The following ATL1 variants were observed in gnomAD, a reference collection of about 807,000 sequenced individuals.
The protein encoded by ATL1 is atlastin GTPase 1.
Under a neutral mutation model 75.5 loss-of-function variants are expected in ATL1, and 31 were observed. The observed-to-expected ratio is 0.41, with a 90% confidence interval of 0.31 to 0.55. The LOEUF (loss-of-function observed/expected upper bound fraction) is 0.55. Among genes scored for constraint, ATL1 ranks in the 20% least tolerant of loss-of-function variants. ATL1 has a pLI of 0.27. For missense variants in ATL1, 405 were observed against 662.6 expected (o/e 0.61, Z 4.27); for synonymous variants, 226 against 233.3 (o/e 0.97, Z 0.28).
intron 1 of ATL1, among the ~76,000 whole-genome samples, chr14:50,578,560 T>C (rs2039027858): frequency 6.6e-6 from 1 of 152,208 alleles, no homozygotes; most frequent in Non-Finnish European, 1.5e-5. Context: ...ATTGTACTAC[T>C]TGCTATTCTT....
chr14:50,593,584 G>T (rs1476555161), intron 4 of ATL1, among the ~76,000 whole-genome samples: 1 of 152,092 alleles, frequency 6.6e-6, no homozygotes, highest in African/African-American at 2.4e-5. Flanking sequence ...GCATAAATTA[G>T]GTTCATAAAA....
intron 6 of ATL1, among the ~76,000 whole-genome samples, chr14:50,600,400 T>C (rs1382198644): frequency 1.3e-5 from 2 of 152,158 alleles, no homozygotes; most frequent in African/African-American, 4.8e-5. Context: ...CTAAACATGT[T>C]TGGACTTGTA....
intron 1 of ATL1, among the ~76,000 whole-genome samples, chr14:50,572,914 G>T (rs1161174240): frequency 1.3e-5 from 2 of 152,130 alleles, no homozygotes. Flanking sequence ...CTGCATGGCT[G>T]GGGAGGCCTC....
intron 1 of ATL1, among the ~76,000 whole-genome samples, chr14:50,571,618 G>A (rs952928473): frequency 5.9e-5 from 9 of 151,804 alleles, no homozygotes; most frequent in East Asian, 3.9e-4. Flanking sequence ...TTGTTAATAC[G>A]TTTAATTAGA....
chr14:50,566,394 A>G (rs2038904481), intron 1 of ATL1, among the ~76,000 whole-genome samples: 1 of 152,040 alleles, frequency 6.6e-6, no homozygotes, highest in Middle Eastern at 3.4e-3. Context: ...CTATAAATAA[A>G]TATATATATA....
intron 1 of ATL1, among the ~76,000 whole-genome samples, chr14:50,535,482 T>C (rs1186182218): frequency 6.6e-6 from 1 of 152,248 alleles, no homozygotes; most frequent in Non-Finnish European, 1.5e-5. Context: ...ACTCTATGAT[T>C]CAGTTGACTG....
At chr14:50,604,924 T>G (rs531006785) in intron 6 of ATL1, among the ~76,000 whole-genome samples, 4 of 152,058 alleles carry the variant, frequency 2.6e-5, no homozygotes, top group Non-Finnish European at 5.9e-5. Context: ...GCATGGTCTG[T>G]AGATACTTCA....
At chr14:50,572,217 A>C (rs767856981) in intron 1 of ATL1, 3 of 275,174 alleles carry the variant, frequency 1.1e-5, no homozygotes, top group Non-Finnish European at 2.1e-5. Flanking sequence ...ATATCAAGGT[A>C]TCAAGGTTAT....
At chr14:50,550,080 G>A (rs975920472) in intron 1 of ATL1, among the ~76,000 whole-genome samples, 1 of 152,184 alleles carries the variant, frequency 6.6e-6, no homozygotes. Flanking sequence ...GCTGCTGGAG[G>A]ATAAGTGATC....
At chr14:50,567,018 G>A (rs951866597) in intron 1 of ATL1, among the ~76,000 whole-genome samples, 2 of 151,798 alleles carry the variant, frequency 1.3e-5, no homozygotes, top group Non-Finnish European at 2.9e-5. Context: ...GTACAGTTCC[G>A]TGATACTAGT....
intron 5 of ATL1, among the ~76,000 whole-genome samples, chr14:50,594,448 A>G (rs2039193285): frequency 1.3e-5 from 2 of 152,136 alleles, no homozygotes; most frequent in Non-Finnish European, 2.9e-5. Context: ...AATTTAATAT[A>G]TTTTTTAGAA....
At chr14:50,577,038 G>T (rs1011770574) in intron 1 of ATL1, among the ~76,000 whole-genome samples, 1 of 152,086 alleles carries the variant, frequency 6.6e-6, no homozygotes, top group African/African-American at 2.4e-5. Context: ...CCTACTGTGT[G>T]TAAACTTCTG....
chr14:50,611,718 C>T (rs1271341467), intron 6 of ATL1, among the ~76,000 whole-genome samples: 1 of 152,046 alleles, frequency 6.6e-6, no homozygotes, highest in Non-Finnish European at 1.5e-5. Flanking sequence ...ACACAATGGG[C>T]TAGGCTACTA....
intron 1 of ATL1, chr14:50,571,969 C>T: frequency 2.3e-6 from 1 of 444,264 alleles, no homozygotes; most frequent in Non-Finnish European, 4.3e-6. Context: ...ACCACCATTC[C>T]AATATTGTTT....
At chr14:50,591,462 T>C in intron 3 of ATL1, 73 bp from the exon 4 acceptor site, 1 of 995,412 alleles carries the variant, frequency 1.0e-6, no homozygotes, top group South Asian at 1.3e-5. Context: ...TTAGTTCTTA[T>C]ATTAATATTA....
At chr14:50,565,556 G>A (rs2038896049) in intron 1 of ATL1, among the ~76,000 whole-genome samples, 1 of 150,792 alleles carries the variant, frequency 6.6e-6, no homozygotes, top group Middle Eastern at 3.5e-3. Context: ...ATGTACTGTA[G>A]ATTTTCCTTC....
At chr14:50,541,524 T>C (rs2038559709) in intron 1 of ATL1, among the ~76,000 whole-genome samples, 1 of 152,222 alleles carries the variant, frequency 6.6e-6, no homozygotes, top group South Asian at 2.1e-4. Flanking sequence ...TGCTACTCTT[T>C]GACCCATGTA....
intron 4 of ATL1, chr14:50,591,896 T>C (rs2039162244): frequency 2.4e-6 from 1 of 413,494 alleles, no homozygotes; most frequent in South Asian, 2.8e-5. Context: ...ATTTTTGTTG[T>C]TGTTGTTTAA....
chr14:50,619,261 G>A (rs181145451), intron 8 of ATL1, among the ~76,000 whole-genome samples: 62 of 152,200 alleles, frequency 4.1e-4, no homozygotes, highest in African/African-American at 1.4e-3. Flanking sequence ...GGGTTTCACC[G>A]TGTTAGCCAG....
Sources: gnomAD v4.1 joint callset for allele counts (sites outside exome capture counted in the v4.1 genomes callset) on GRCh38, gnomAD v4.1.1 for gene constraint, MANE v1.5 for transcripts, NCBI Gene and HGNC (gene_info 2026-07-23, HGNC 2026-07-21) for gene names.